SUPT3H: variants seen among roughly 807,000 people sequenced by gnomAD.
SUPT3H encodes the protein SPT3 homolog, SAGA and STAGA complex component.
In SUPT3H, 44 loss-of-function variants were observed where a neutral mutation model predicts 44.3. That is an observed-to-expected ratio of 0.99 (90% CI 0.78 to 1.28). The LOEUF (loss-of-function observed/expected upper bound fraction) is 1.28. SUPT3H is among the 50% of genes most tolerant of loss of function. The pLI, the probability that SUPT3H is intolerant of heterozygous loss-of-function variation, is 0.00. For missense variants in SUPT3H, 380 were observed against 387.1 expected (o/e 0.98, Z 0.15); for synonymous variants, 124 against 125.6 (o/e 0.99, Z 0.09).
intron 2 of SUPT3H, among the ~76,000 whole-genome samples, chr6:45,287,348 G>A (rs1402020607): frequency 6.6e-6 from 1 of 152,026 alleles, no homozygotes; most frequent in Non-Finnish European, 1.5e-5. Context: ...TAGCCAAAAG[G>A]TCAACAAATC....
intron 3 of SUPT3H, among the ~76,000 whole-genome samples, chr6:45,054,889 G>T (rs1790875359): frequency 6.6e-6 from 1 of 152,116 alleles, no homozygotes; most frequent in African/African-American, 2.4e-5. Flanking sequence ...AAAAGTGGAA[G>T]CCTTATGGGT....
intron 2 of SUPT3H, among the ~76,000 whole-genome samples, chr6:45,169,289 G>A (rs1325397080): frequency 2.0e-5 from 3 of 152,038 alleles, no homozygotes; most frequent in Non-Finnish European, 4.4e-5. Context: ...CAACTCTGCT[G>A]CTGTTACACA....
chr6:44,981,955 C>T (rs1159510042), intron 6 of SUPT3H, among the ~76,000 whole-genome samples: 4 of 151,372 alleles, frequency 2.6e-5, no homozygotes, highest in African/African-American at 7.3e-5. Context: ...GTGGGAGGAT[C>T]GCTTGAGCAC....
intron 3 of SUPT3H, among the ~76,000 whole-genome samples, chr6:45,029,902 C>A (rs962050017): frequency 2.0e-5 from 3 of 152,144 alleles, no homozygotes; most frequent in African/African-American, 7.2e-5. Context: ...AGAGCTGGGA[C>A]TACAGGCACA....
At chr6:44,921,190 A>C (rs1768666679) in intron 10 of SUPT3H, among the ~76,000 whole-genome samples, 1 of 152,250 alleles carries the variant, frequency 6.6e-6, no homozygotes, top group Non-Finnish European at 1.5e-5. Context: ...CAAAGCTATA[A>C]GGATCTCAGG....
At chr6:45,141,337 T>TC (rs1805147304) in intron 2 of SUPT3H, among the ~76,000 whole-genome samples, 1 of 2,538 alleles carries the variant, frequency 3.9e-4, no homozygotes, top group Non-Finnish European at 9.1e-4. Flanking sequence ...AGACTCCATC[T>TC]CAAAAAAAAA....
chr6:45,125,121 T>C (rs1006787767), intron 2 of SUPT3H, among the ~76,000 whole-genome samples: 5 of 152,194 alleles, frequency 3.3e-5, no homozygotes, highest in African/African-American at 1.2e-4. Flanking sequence ...ACCTCAACTA[T>C]GGGCAGTAAG....
chr6:44,976,305 G>A (rs564703005), intron 6 of SUPT3H, among the ~76,000 whole-genome samples: 4 of 151,734 alleles, frequency 2.6e-5, no homozygotes, highest in South Asian at 2.1e-4. Flanking sequence ...TGTAGTAAAC[G>A]TAAATTCCTA....
chr6:44,945,052 A>T (rs1459820220), intron 9 of SUPT3H, among the ~76,000 whole-genome samples: 1 of 151,932 alleles, frequency 6.6e-6, no homozygotes, highest in Non-Finnish European at 1.5e-5. Context: ...TCTCTGTGTC[A>T]TATTTTGGTA....
intron 2 of SUPT3H, among the ~76,000 whole-genome samples, chr6:45,315,914 C>CAGATAGAT (rs1312884725): frequency 7.4e-6 from 1 of 134,738 alleles, no homozygotes; most frequent in African/African-American, 2.9e-5. Context: ...TAAAGAAGCT[C>CAGATAGAT]AGATAGACAG....
At chr6:44,905,615 T>C (rs1765903040) in intron 10 of SUPT3H, among the ~76,000 whole-genome samples, 1 of 152,044 alleles carries the variant, frequency 6.6e-6, no homozygotes, top group Non-Finnish European at 1.5e-5. Flanking sequence ...AGTGTGGCGA[T>C]TCCTCAGGGA....
At chr6:45,135,071 C>T (rs1028120258) in intron 2 of SUPT3H, among the ~76,000 whole-genome samples, 2 of 152,178 alleles carry the variant, frequency 1.3e-5, no homozygotes, top group African/African-American at 2.4e-5. Flanking sequence ...ATAATCAGCA[C>T]TTGAGCCTGC....
intron 2 of SUPT3H, among the ~76,000 whole-genome samples, chr6:45,126,496 A>G (rs1562509499): frequency 6.6e-6 from 1 of 151,704 alleles, no homozygotes; most frequent in Non-Finnish European, 1.5e-5. Context: ...AAAACGGTCA[A>G]TTTTTTTTTA....
chr6:45,057,963 A>C (rs1272124685), intron 3 of SUPT3H, among the ~76,000 whole-genome samples: 2 of 152,178 alleles, frequency 1.3e-5, no homozygotes, highest in Non-Finnish European at 2.9e-5. Flanking sequence ...ACTACGTGAA[A>C]ATGTTGACAA....
intron 2 of SUPT3H, among the ~76,000 whole-genome samples, chr6:45,309,685 GA>G (rs2149981212): frequency 6.6e-6 from 1 of 152,114 alleles, no homozygotes; most frequent in African/African-American, 2.4e-5. Flanking sequence ...AAGAATAGAC[GA>G]AGGTATATTA....
intron 2 of SUPT3H, among the ~76,000 whole-genome samples, chr6:45,125,629 G>T (rs1802318729): frequency 6.6e-6 from 1 of 151,988 alleles, no homozygotes; most frequent in South Asian, 2.1e-4. Context: ...TGATAATATG[G>T]TACATGGGTC....
chr6:45,144,162 G>T (rs1283995975), intron 2 of SUPT3H, among the ~76,000 whole-genome samples: 1 of 152,002 alleles, frequency 6.6e-6, no homozygotes, highest in Non-Finnish European at 1.5e-5. Flanking sequence ...CCAAAAGATA[G>T]AAAAAGAAGA....
intron 10 of SUPT3H, among the ~76,000 whole-genome samples, chr6:44,895,425 C>G (rs1399402604): frequency 2.0e-5 from 3 of 152,004 alleles, no homozygotes; most frequent in South Asian, 4.1e-4. Flanking sequence ...GTGCTGAAAG[C>G]TCTGAAGATA....
intron 10 of SUPT3H, among the ~76,000 whole-genome samples, chr6:44,858,721 G>A (rs1561901206): frequency 6.6e-6 from 1 of 152,096 alleles, no homozygotes; most frequent in African/African-American, 2.4e-5. Flanking sequence ...AGAGTGACAC[G>A]CACCTGGAGA....
Sources: gnomAD v4.1 joint callset for allele counts (sites outside exome capture counted in the v4.1 genomes callset) on GRCh38, gnomAD v4.1.1 for gene constraint, MANE v1.5 for transcripts, NCBI Gene and HGNC (gene_info 2026-07-23, HGNC 2026-07-21) for gene names.